The following RASGRF2 variants were observed in gnomAD, a reference collection of about 807,000 sequenced individuals.
RASGRF2 encodes ras-specific guanine nucleotide-releasing factor 2.
RASGRF2 carries 76 observed loss-of-function variants against 151.0 expected under a neutral mutation model. The ratio of observed to expected loss-of-function variants is 0.50; its 90% CI spans 0.42 to 0.61. RASGRF2 has a LOEUF of 0.61. Among genes scored for constraint, RASGRF2 ranks in the 20% least tolerant of loss-of-function variants. The probability of loss-of-function intolerance (pLI) is 0.00; values close to 1 mark genes in which losing one functional copy is unlikely to be tolerated. For missense variants in RASGRF2, 1,148 were observed against 1,564.6 expected, an observed-to-expected ratio of 0.73 and a Z score of 4.49; for synonymous variants, 504 against 566.5, an observed-to-expected ratio of 0.89 and a Z score of 1.57.
At position 81,067,012 on chromosome 5, in the gene RASGRF2, T is replaced by C. The variant is rs181886932; in HGVS notation, c.396-1020T>C. On this transcript the variant is annotated intron_variant, in intron 2 of 26. Transcript: ENST00000265080. ...TTTCTCATGAGAGAGGCAGTTTAGCTGGTGTTTAAGAACATGGACTTCGGG... is the reference window on the plus strand; with the variant it reads ...TTTCTCATGAGAGAGGCAGTTTAGCCGGTGTTTAAGAACATGGACTTCGGG... Among the ~76,000 whole-genome samples, 393 of 152,320 alleles carry C rather than the reference T, an allele frequency of 2.6e-3. 2 individuals carry two copies. The highest frequency in any genetic ancestry group is 3.4e-3 in the Middle Eastern group (1 of 294).
rs967922389 is a variant in RASGRF2, at chr5:80,961,046, C to T, written c.288+20C>T. ...AAGCAGGTACCGCGCGCCTTCTCTC[C>T]GCGGTCTCCCAGCCTTGATCGCCGC... On this transcript the variant is annotated intron_variant, in intron 1 of 26. Transcript: ENST00000265080. 1.4e-6 allele frequency: 2 copies of T among 1,434,790 alleles called. No homozygotes were observed. Among genetic ancestry groups the T allele is most frequent in the South Asian group, 1.5e-5 (1 of 68,412 alleles). 88.9% of individuals were successfully genotyped at this position (1,434,790 alleles called of 1,614,324 possible). A position where few individuals can be genotyped will look rare whatever the true frequency, so the allele number is the denominator to read the frequency against.
Position 80,973,055 on chromosome 5 carries a change from G to A in RASGRF2, c.288+12029G>A, listed in dbSNP as rs753477342. Among the ~76,000 whole-genome samples the A allele has an allele frequency of 5.9e-5, 9 of 152,248 alleles. No individual in the cohort carries two copies. In the East Asian group the frequency reaches 1.3e-3, roughly 23 times the overall value. Reference sequence around the variant, plus strand: ...GAACAGAAGTTCTAAACTTTATGTAGTATAAGTTATCTCTTTTTCTTTATG... The same window carrying A: ...GAACAGAAGTTCTAAACTTTATGTAATATAAGTTATCTCTTTTTCTTTATG... On this transcript the variant is annotated intron_variant, in intron 1 of 26. Transcript: ENST00000265080.
At chr5:81,186,355 A>G (rs1755025644) in intron 18 of RASGRF2, among the ~76,000 whole-genome samples, 1 of 152,026 alleles carries the variant, frequency 6.6e-6, no homozygotes, top group Admixed American at 6.5e-5. Context: ...TCTTCCTGTT[A>G]CCCCATGCTC....
intron 12 of RASGRF2, among the ~76,000 whole-genome samples, chr5:81,107,397 A>G (rs1274035802): frequency 6.6e-6 from 1 of 152,078 alleles, no homozygotes; most frequent in Non-Finnish European, 1.5e-5. Context: ...TGTTGAGGAC[A>G]TTGTTCACTA....
chr5:81,166,508 C>T (rs972551040), intron 17 of RASGRF2, among the ~76,000 whole-genome samples: 1 of 152,118 alleles, frequency 6.6e-6, no homozygotes, highest in Non-Finnish European at 1.5e-5. Context: ...CTTCTCCTGA[C>T]AAAAGCCCTT....
chr5:81,039,354 C>G (rs1750609300), intron 1 of RASGRF2, among the ~76,000 whole-genome samples: 1 of 152,018 alleles, frequency 6.6e-6, no homozygotes, highest in Admixed American at 6.6e-5. Flanking sequence ...TAAGTAAACA[C>G]TAACCAAAAG....
chr5:81,208,186 C>G (rs569009894), intron 21 of RASGRF2, among the ~76,000 whole-genome samples, 168 bp from the exon 22 acceptor site: 1 of 152,286 alleles, frequency 6.6e-6, no homozygotes, highest in Admixed American at 6.5e-5. Context: ...AGGTAAACTG[C>G]AACAGCCGAG....
chr5:81,097,709 A>G (rs1198226539), intron 12 of RASGRF2, among the ~76,000 whole-genome samples: 1 of 152,148 alleles, frequency 6.6e-6, no homozygotes, highest in Non-Finnish European at 1.5e-5. Context: ...AAGACTGTAA[A>G]GTAGGAGGAT....
At position 81,085,825 on chromosome 5, in the gene RASGRF2, C is replaced by A; in HGVS notation, c.1185C>A (p.Leu395=). 6.2e-7 allele frequency: 1 copy of A among 1,614,090 alleles called. No homozygotes were observed. Among genetic ancestry groups the A allele is most frequent in the Non-Finnish European group, 8.5e-7 (1 of 1,180,008 alleles). The change falls in exon 8 of 27, where the codon CTC becomes CTA. Residue 395 remains leucine (L), a synonymous_variant. Coordinates refer to ENST00000265080, the MANE Select transcript of RASGRF2 (RefSeq NM_006909.3). ...AGATCCCCAGATATATCATCACACT[C>A]CATGAGCTCCTTGCTCACACACCCC... ...MFQIPRYIIT[L]HELLAHTPHE...
intron 17 of RASGRF2, among the ~76,000 whole-genome samples, chr5:81,130,899 G>T (rs910737079): frequency 7.0e-6 from 1 of 142,386 alleles, no homozygotes; most frequent in African/African-American, 3.1e-5. Flanking sequence ...AGGAAACAAG[G>T]TATAGCCCAG....
At chr5:81,132,859 A>G (rs1753658610) in intron 17 of RASGRF2, among the ~76,000 whole-genome samples, 1 of 152,228 alleles carries the variant, frequency 6.6e-6, no homozygotes, top group Non-Finnish European at 1.5e-5. Flanking sequence ...CTCAAGGAAA[A>G]TAATATAAAA....
chr5:81,226,034 G>A lies in RASGRF2; in HGVS notation c.*264G>A. 3.0e-6 allele frequency: 1 copy of A among 332,426 alleles called. No homozygotes were observed. The highest frequency in any genetic ancestry group is 5.4e-6 in the Non-Finnish European group (1 of 185,230). 20.6% of individuals were successfully genotyped at this position (332,426 alleles called of 1,614,324 possible). A position where few individuals can be genotyped will look rare whatever the true frequency, so the allele number is the denominator to read the frequency against. ...TTACATAAGGGAATGTCAGATGGGA[G>A]ATGCTAGTTGCCATTTTAACAAAGC... On this transcript the variant is annotated 3_prime_UTR_variant, in exon 27 of 27. Coordinates refer to ENST00000265080, the MANE Select transcript of RASGRF2 (RefSeq NM_006909.3).
intron 1 of RASGRF2, among the ~76,000 whole-genome samples, chr5:81,024,253 T>TC (rs1749934620): frequency 2.9e-5 from 1 of 34,150 alleles, no homozygotes; most frequent in African/African-American, 1.4e-4. Flanking sequence ...CATATAATTT[T>TC]TTTTTTTTTT....
At chr5:81,128,375 A>G (rs1281042047) in intron 17 of RASGRF2, among the ~76,000 whole-genome samples, 1 of 152,218 alleles carries the variant, frequency 6.6e-6, no homozygotes, top group African/African-American at 2.4e-5. Context: ...AAAACATCAC[A>G]TTGTACCCTG....
In RASGRF2 at chr5:80,963,284, T is replaced by G. The variant is rs373620600; in HGVS notation, c.288+2258T>G. Among the ~76,000 whole-genome samples, 145 of 152,316 alleles carry G rather than the reference T, an allele frequency of 9.5e-4. 2 individuals are homozygous for G. Among genetic ancestry groups the G allele is most frequent in the African/African-American group, 3.4e-3 (140 of 41,560 alleles). On this transcript the variant is annotated intron_variant, in intron 1 of 26. Transcript: ENST00000265080. The stretch of plus-strand genomic sequence containing the variant: ...TGAGCACATCCCAAGGTTTGCTTCT[T>G]TCTCCTTATATGCTTCTGGAGCTTT...
intron 1 of RASGRF2, among the ~76,000 whole-genome samples, chr5:81,006,189 C>T (rs1475180870): frequency 6.6e-6 from 1 of 152,124 alleles, no homozygotes; most frequent in African/African-American, 2.4e-5. Context: ...TACCCAAGGA[C>T]ATCTACTTTA....
chr5:81,071,303 G>A (rs1751766723), intron 4 of RASGRF2, among the ~76,000 whole-genome samples: 1 of 152,046 alleles, frequency 6.6e-6, no homozygotes, highest in Non-Finnish European at 1.5e-5. Flanking sequence ...CTTATTTTAT[G>A]CTAATAATCT....
At chr5:80,983,547 A>G (rs1344480529) in intron 1 of RASGRF2, among the ~76,000 whole-genome samples, 1 of 152,252 alleles carries the variant, frequency 6.6e-6, no homozygotes, top group Non-Finnish European at 1.5e-5. Flanking sequence ...TTAAGTACCT[A>G]CAGAATATCT....
At chr5:81,154,706 T>G (rs1191155955) in intron 17 of RASGRF2, among the ~76,000 whole-genome samples, 1 of 152,150 alleles carries the variant, frequency 6.6e-6, no homozygotes, top group Non-Finnish European at 1.5e-5. Context: ...ATTTAGAAAT[T>G]AAACAACAAA....
Sources: gnomAD v4.1 joint callset for allele counts (sites outside exome capture counted in the v4.1 genomes callset) on GRCh38, gnomAD v4.1.1 for gene constraint, MANE v1.5 for transcripts, NCBI Gene and HGNC (gene_info 2026-07-23, HGNC 2026-07-21) for gene names.